Variants in KSR1 observed in about 807,000 individuals in gnomAD.
The protein encoded by KSR1 is kinase suppressor of ras.
A neutral mutation model predicts 92.9 loss-of-function variants in KSR1; 35 were observed. The ratio of observed to expected loss-of-function variants is 0.38; its 90% CI spans 0.29 to 0.50. The LOEUF (loss-of-function observed/expected upper bound fraction) is 0.50. KSR1 is among the 20% of genes least tolerant of loss of function. The pLI is 0.94. For missense variants in KSR1, 972 were observed against 1,158.5 expected, an observed-to-expected ratio of 0.84 and a Z score of 2.34; for synonymous variants, 467 against 472.6, an observed-to-expected ratio of 0.99 and a Z score of 0.15.
intron 1 of KSR1, among the ~76,000 whole-genome samples, chr17:27,498,636 C>G (rs1219612296): frequency 3.3e-5 from 5 of 152,188 alleles, no homozygotes. Context: ...CCCGATAACA[C>G]TAGTGTTTGA....
intron 18 of KSR1, 58 bp downstream of exon 18, chr17:27,611,687 G>T: frequency 1.2e-6 from 2 of 1,603,350 alleles, no homozygotes; most frequent in Non-Finnish European, 8.5e-7. Context: ...GGGGCATGTG[G>T]CATGGCTGCC....
intron 2 of KSR1, chr17:27,560,309 TGAAAG>T: frequency 2.6e-6 from 1 of 384,724 alleles, no homozygotes; most frequent in Non-Finnish European, 5.2e-6. Context: ...TGGAAGTTGT[TGAAAG>T]GAAGTGGCAA....
chr17:27,526,920 A>T, intron 1 of KSR1: 1 of 620,588 alleles, frequency 1.6e-6, no homozygotes, highest in Non-Finnish European at 2.9e-6. Flanking sequence ...TTGGTTACTC[A>T]GGAGGGGGCT....
At chr17:27,499,774 G>A (rs1366038436) in intron 1 of KSR1, among the ~76,000 whole-genome samples, 3 of 152,338 alleles carry the variant, frequency 2.0e-5, no homozygotes, top group East Asian at 3.9e-4. Flanking sequence ...GTGGAGAGAC[G>A]GGGACTGAAT....
chr17:27,608,372 C>G (rs2073821498), intron 15 of KSR1, among the ~76,000 whole-genome samples: 4 of 152,134 alleles, frequency 2.6e-5, no homozygotes, highest in Admixed American at 2.6e-4. Context: ...ATATATCCTC[C>G]CTCTCTGGAT....
Position 27,597,320 on chromosome 17 carries a change from C to G in KSR1, c.1352C>G (p.Thr451Ser). 6.2e-7 allele frequency: 1 copy of G among 1,609,990 alleles called. No homozygotes were observed. Among genetic ancestry groups the G allele is most frequent in the Non-Finnish European group, 8.5e-7 (1 of 1,178,168 alleles). The change falls in exon 10 of 21, where the codon ACC becomes AGC. Residue 451 changes from threonine (T) to serine (S), a missense_variant. Transcript: ENST00000644974. ...HLDSSSNPSSTTSSTPSSPAP... is the reference protein window; with the variant it reads ...HLDSSSNPSSSTSSTPSSPAP... ...GACTCCAGCAGCAACCCTTCCTCCA[C>G]CACCTCCTCCACACCCTCCTCACCG... is the stretch of plus-strand genomic sequence containing the variant.
chr17:27,550,419 C>G, intron 1 of KSR1, 149 bp from the exon 2 acceptor site: 1 of 667,146 alleles, frequency 1.5e-6, no homozygotes, highest in Non-Finnish European at 2.7e-6. Flanking sequence ...CCACCCTTTC[C>G]CCTCCCCTGC....
chr17:27,623,426 C>A lies in KSR1; in HGVS notation c.*34C>A, dbSNP rs1244823717. On this transcript the variant is annotated 3_prime_UTR_variant, in exon 21 of 21. Coordinates refer to ENST00000644974, the MANE Select transcript of KSR1 (RefSeq NM_001394583.1). ...ATGGTTTTTCGCTGCTGATCTCTTTCTTTTTAAAATGTGTTTCTGAAACAT... is the reference window on the plus strand; with the variant it reads ...ATGGTTTTTCGCTGCTGATCTCTTTATTTTTAAAATGTGTTTCTGAAACAT... 5 of 751,426 alleles carry A rather than the reference C, an allele frequency of 6.7e-6. No individual in the cohort carries two copies. Among genetic ancestry groups the A allele is most frequent in the Non-Finnish European group, 1.2e-5 (5 of 410,710 alleles). 46.5% of individuals were successfully genotyped at this position (751,426 alleles called of 1,614,324 possible).
chr17:27,568,298 G>T (rs979193560), intron 2 of KSR1, among the ~76,000 whole-genome samples: 2 of 152,206 alleles, frequency 1.3e-5, no homozygotes, highest in East Asian at 3.9e-4. Flanking sequence ...CCATCTGAAT[G>T]GACAGACCAC....
At chr17:27,566,640 A>G (rs2072085178) in intron 2 of KSR1, 1 of 398,414 alleles carries the variant, frequency 2.5e-6, no homozygotes, top group East Asian at 3.6e-5. Context: ...TGTTTGCTAG[A>G]CTCTGAGTCC....
intron 1 of KSR1, among the ~76,000 whole-genome samples, chr17:27,521,334 CTTTTTTT>C (rs759201177): frequency 7.4e-6 from 1 of 134,948 alleles, no homozygotes; most frequent in Non-Finnish European, 1.6e-5. Context: ...AAGGCCATTC[CTTTTTTT>C]TTTTTTTTTT....
chr17:27,589,341 G>A (rs1214212972), intron 6 of KSR1, among the ~76,000 whole-genome samples: 1 of 152,098 alleles, frequency 6.6e-6, no homozygotes, highest in Non-Finnish European at 1.5e-5. Context: ...CTTGTGCTCG[G>A]GGCCTTTTTT....
chr17:27,609,653 A>G (rs916561093), intron 16 of KSR1, among the ~76,000 whole-genome samples: 1 of 152,324 alleles, frequency 6.6e-6, no homozygotes, highest in South Asian at 2.1e-4. Context: ...AGGGATTGGC[A>G]TAGGGAGAAA....
intron 1 of KSR1, among the ~76,000 whole-genome samples, chr17:27,495,013 G>C (rs547363190): frequency 6.6e-6 from 1 of 152,350 alleles, no homozygotes; most frequent in African/African-American, 2.4e-5. Flanking sequence ...GGTTCCAGGT[G>C]GGCACAGCTG....
Position 27,605,778 on chromosome 17 carries a change from C to G in KSR1, c.1959C>G (p.Ala653=). 6.2e-7 allele frequency: 1 copy of G among 1,612,712 alleles called. No individual in the cohort carries two copies. The highest frequency in any genetic ancestry group is 8.5e-7 in the Non-Finnish European group (1 of 1,179,824). ...AGAACGTGGTGCTCTTCATGGGGGC[C>G]TGCATGAACCCGCCCCACCTGGCCA... ...RHENVVLFMG[A]CMNPPHLAII... Residue 653 remains alanine (A), a synonymous_variant, in exon 14 of 21, where the codon GCC becomes GCG. Coordinates refer to ENST00000644974, the MANE Select transcript of KSR1 (RefSeq NM_001394583.1).
intron 5 of KSR1, 97 bp downstream of exon 5, chr17:27,585,758 C>T: frequency 1.4e-6 from 1 of 719,696 alleles, no homozygotes; most frequent in East Asian, 2.7e-5. Context: ...ACCTCTTAGC[C>T]CGTTCAGCCT....
intron 1 of KSR1, among the ~76,000 whole-genome samples, chr17:27,462,045 G>C (rs1462556530): frequency 6.6e-6 from 1 of 152,234 alleles, no homozygotes; most frequent in Non-Finnish European, 1.5e-5. Context: ...CAAAGGGAAA[G>C]CTGCATAGGT....
At chr17:27,526,033 T>TTTTC (rs2070259370) in intron 1 of KSR1, among the ~76,000 whole-genome samples, 1 of 97,424 alleles carries the variant, frequency 1.0e-5, no homozygotes, top group Non-Finnish European at 1.9e-5. Flanking sequence ...TTTTCTTTTC[T>TTTTC]TTTCTTTTCT....
chr17:27,526,482 G>A, intron 1 of KSR1: 1 of 1,598,036 alleles, frequency 6.3e-7, no homozygotes, highest in Non-Finnish European at 8.6e-7. Context: ...TCTCTTTATT[G>A]AGAACTTCAT....
Sources: allele counts gnomAD v4.1 joint callset (sites outside exome capture counted in the v4.1 genomes callset), GRCh38; gene constraint gnomAD v4.1.1; transcripts MANE v1.5; gene names NCBI Gene and HGNC (gene_info 2026-07-23, HGNC 2026-07-21).